Variants in DNAH7 observed in about 807,000 individuals in gnomAD.
DNAH7 encodes the protein dynein axonemal heavy chain 7, also known as axonemal beta dynein heavy chain 7.
Under a neutral mutation model 444.6 loss-of-function variants are expected in DNAH7, and 397 were observed. The observed-to-expected ratio is 0.89, with a 90% CI of 0.82 to 0.97. DNAH7 has a LOEUF of 0.97. Ranked by LOEUF, DNAH7 falls within the 50% of genes least tolerant of loss-of-function variation. The pLI, the probability that DNAH7 is intolerant of heterozygous loss-of-function variation, is 0.00. For missense variants in DNAH7, 4,902 were observed against 4,800.8 expected (o/e 1.02, Z -0.62); for synonymous variants, 1,636 against 1,624.4 (o/e 1.01, Z -0.17).
chr2:195,788,297 G>A (rs913197086), intron 57 of DNAH7, among the ~76,000 whole-genome samples: 12 of 152,172 alleles, frequency 7.9e-5, no homozygotes, highest in Non-Finnish European at 1.5e-5. Flanking sequence ...GAAGAAAGAT[G>A]CCAACTCCAT....
intron 57 of DNAH7, among the ~76,000 whole-genome samples, chr2:195,791,283 C>G (rs1695865228): frequency 1.3e-5 from 2 of 150,234 alleles, no homozygotes; most frequent in South Asian, 4.2e-4. Flanking sequence ...CTGGCTAACA[C>G]AGTGAAACCC....
chr2:196,059,220 T>A (rs996803273), intron 1 of DNAH7, among the ~76,000 whole-genome samples: 1 of 152,118 alleles, frequency 6.6e-6, no homozygotes, highest in African/African-American at 2.4e-5. Context: ...TTCTGGTTTT[T>A]CCCCCCGCAA....
intron 58 of DNAH7, among the ~76,000 whole-genome samples, chr2:195,785,899 C>T (rs1302386037): frequency 6.6e-6 from 1 of 152,086 alleles, no homozygotes; most frequent in Non-Finnish European, 1.5e-5. Context: ...TCCTCAGGCA[C>T]TGTATCACTG....
chr2:196,019,283 C>T lies in DNAH7; in HGVS notation c.756G>A (p.Leu252=), dbSNP rs1695222276. 1.3e-6 allele frequency: 2 copies of T among 1,483,172 alleles called. No individual in the cohort carries two copies. The highest frequency in any genetic ancestry group is 1.9e-5 in the Admixed American group (1 of 52,556). 91.9% of individuals were successfully genotyped at this position (1,483,172 alleles called of 1,614,324 possible). A position where few individuals can be genotyped will look rare whatever the true frequency, so the allele number is the denominator to read the frequency against. ...LPAHRAEMEI[L]PKPWRKSFLA... ...AAAAAGATTTCCTCCAAGGTTTTGG[C>T]AGAATTTCCATTCTGAAAACAAAGA... is the stretch of plus-strand genomic sequence containing the variant. Residue 252 remains leucine (L), a synonymous_variant, in exon 9 of 65, where the codon CTG becomes CTA. Coordinates refer to ENST00000312428, the MANE Select transcript of DNAH7 (RefSeq NM_018897.3).
chr2:195,793,473 T>G (rs1695987619), intron 57 of DNAH7, among the ~76,000 whole-genome samples: 1 of 152,142 alleles, frequency 6.6e-6, no homozygotes, highest in African/African-American at 2.4e-5. Flanking sequence ...CTCTGTCTAG[T>G]CCATCATACG....
At chr2:195,930,335 C>T (rs13035358) in intron 21 of DNAH7, among the ~76,000 whole-genome samples, 75,186 of 151,318 alleles carry the variant, frequency 0.5, 21,821 homozygotes, top group South Asian at 0.65. Flanking sequence ...AGCGAGACAC[C>T]GCCTCAAAAA....
chr2:195,794,878 T>G (rs1696063374), intron 56 of DNAH7, among the ~76,000 whole-genome samples: 1 of 152,230 alleles, frequency 6.6e-6, no homozygotes, highest in African/African-American at 2.4e-5. Flanking sequence ...TTTACAGAAA[T>G]AATTCTCTGC....
chr2:195,881,795 C>A lies in DNAH7; in HGVS notation c.5961G>T (p.Thr1987=). Residue 1987 remains threonine (T), a splice_region_variant and synonymous_variant, in exon 36 of 65, where the codon ACG becomes ACT. Coordinates refer to ENST00000312428, the MANE Select transcript of DNAH7 (RefSeq NM_018897.3). Reference sequence around the variant, plus strand: ...ATACGCAGATTTCTGCAGTACTTACCGTAATGTAAACACTTTTCCCAGTTC... The same window carrying A: ...ATACGCAGATTTCTGCAGTACTTACAGTAATGTAAACACTTTTCCCAGTTC... ...PTGTGKSVYI[T]NFLLNQLNKE... is the part of the protein sequence containing the mutation. 6.2e-7 allele frequency: 1 copy of A among 1,613,068 alleles called. No individual in the cohort carries two copies. Among genetic ancestry groups the A allele is most frequent in the East Asian group, 2.2e-5 (1 of 44,822 alleles).
At chr2:195,852,021 G>A (rs1396135119) in intron 46 of DNAH7, among the ~76,000 whole-genome samples, 2 of 152,130 alleles carry the variant, frequency 1.3e-5, no homozygotes, top group African/African-American at 4.8e-5. Context: ...CACTTTGGGA[G>A]GGCAAGGTGG....
chr2:196,012,481 T>C (rs4267530), intron 10 of DNAH7, among the ~76,000 whole-genome samples: 2,197 of 152,188 alleles, frequency 0.014, 60 homozygotes, highest in African/African-American at 0.05. Flanking sequence ...GACAAATACC[T>C]GGTGAATAAT....
Position 195,941,175 on chromosome 2 carries a change from T to C in DNAH7, c.3079-4383A>G, listed in dbSNP as rs1689410796. Among the ~76,000 whole-genome samples the C allele has an allele frequency of 2.6e-5, 4 of 152,250 alleles. No individual in the cohort carries two copies. In the South Asian group the frequency reaches 8.3e-4, roughly 32 times the overall value. ...AAGAAAATGTGGCACATATACACCA[T>C]GGAATACTATGCAGCCATTTAAAAA... On this transcript the variant is annotated intron_variant, in intron 19 of 64. Coordinates refer to ENST00000312428, the MANE Select transcript of DNAH7 (RefSeq NM_018897.3).
chr2:195,749,094 A>C (rs1009610263), intron 63 of DNAH7, among the ~76,000 whole-genome samples: 1 of 151,942 alleles, frequency 6.6e-6, no homozygotes, highest in Non-Finnish European at 1.5e-5. Flanking sequence ...CATCTGACAA[A>C]GGGCTAATAT....
chr2:195,927,725 T>C (rs6434807), intron 21 of DNAH7, among the ~76,000 whole-genome samples: 9,233 of 151,354 alleles, frequency 0.061, 377 homozygotes, highest in African/African-American at 0.12. Context: ...AAGTCTATTA[T>C]TATATCTATG....
At chr2:195,918,280 C>G (rs1687808876) in intron 24 of DNAH7, among the ~76,000 whole-genome samples, 1 of 152,186 alleles carries the variant, frequency 6.6e-6, no homozygotes, top group African/African-American at 2.4e-5. Context: ...AAAGCATTGA[C>G]AACACCAGAT....
intron 39 of DNAH7, among the ~76,000 whole-genome samples, chr2:195,872,675 TG>T (rs953585314): frequency 1.4e-4 from 21 of 152,286 alleles, no homozygotes; most frequent in African/African-American, 5.1e-4. Context: ...TTTTATGTTA[TG>T]TCCAAAAGAC....
At chr2:195,834,537 T>C in intron 47 of DNAH7, 177 bp from the exon 48 acceptor site, 1 of 545,436 alleles carries the variant, frequency 1.8e-6, no homozygotes, top group Non-Finnish European at 2.9e-6. Context: ...GTGGGCTACC[T>C]GAACGGCAAC....
Position 195,816,833 on chromosome 2 carries a change from G to A in DNAH7, c.9556C>T (p.Gln3186Ter). The stretch of plus-strand genomic sequence containing the variant: ...TTCTCTGTCTCTTCGGCTACTTCCT[G>A]CTTCTGAGAAATCTCATTAGCCAAG... ...KALANEISQK[Q>*]EVAEETEKKI... The change falls in exon 51 of 65, where the codon CAG becomes TAG. Residue 3186 changes from glutamine to a stop codon, truncating the protein, a stop_gained. Coordinates refer to ENST00000312428, the MANE Select transcript of DNAH7 (RefSeq NM_018897.3). LOFTEE classifies it high-confidence loss of function. 1.2e-6 allele frequency: 2 copies of A among 1,614,100 alleles called. No individual in the cohort carries two copies. The highest frequency in any genetic ancestry group is 1.7e-6 in the Non-Finnish European group (2 of 1,180,004).
At chr2:195,854,543 G>A (rs1235502376) in intron 45 of DNAH7, among the ~76,000 whole-genome samples, 1 of 151,970 alleles carries the variant, frequency 6.6e-6, no homozygotes, top group Non-Finnish European at 1.5e-5. Flanking sequence ...CCCTTTTAAT[G>A]TTCCCTCTTT....
intron 45 of DNAH7, among the ~76,000 whole-genome samples, 193 bp from the exon 46 acceptor site, chr2:195,853,721 T>C (rs1341802124): frequency 6.6e-6 from 1 of 152,114 alleles, no homozygotes; most frequent in Non-Finnish European, 1.5e-5. Flanking sequence ...ATATAATTCA[T>C]GAAATTAATA....
Sources: allele counts gnomAD v4.1 joint callset (sites outside exome capture counted in the v4.1 genomes callset), GRCh38; gene constraint gnomAD v4.1.1; transcripts MANE v1.5; gene names NCBI Gene and HGNC (gene_info 2026-07-23, HGNC 2026-07-21).